MAP4: variants seen among roughly 807,000 people sequenced by gnomAD.
MAP4 encodes the protein microtubule associated protein 4.
In MAP4, 76 loss-of-function variants were observed where a neutral mutation model predicts 170.2. The ratio of observed to expected loss-of-function variants is 0.45; its 90% CI spans 0.37 to 0.54. MAP4 has a LOEUF of 0.54. MAP4 is among the 20% of genes least tolerant of loss of function. The pLI is 0.00. For missense variants in MAP4, 2,506 were observed against 2,748.0 expected (o/e 0.91, Z 1.97); for synonymous variants, 909 against 994.5 (o/e 0.91, Z 1.62).
intron 1 of MAP4, among the ~76,000 whole-genome samples, chr3:48,075,505 C>A (rs1026850144): frequency 1.3e-5 from 2 of 151,816 alleles, no homozygotes; most frequent in Non-Finnish European, 1.5e-5. Context: ...CCAGCCTGGG[C>A]AACGGAGCAA....
chr3:47,971,706 C>T (rs756041439), intron 3 of MAP4, among the ~76,000 whole-genome samples: 35 of 152,180 alleles, frequency 2.3e-4, no homozygotes, highest in Non-Finnish European at 4.0e-4. Context: ...GTTAAACCTT[C>T]ACTGTAATGG....
At chr3:48,037,861 G>A (rs911087365) in intron 1 of MAP4, among the ~76,000 whole-genome samples, 3 of 151,962 alleles carry the variant, frequency 2.0e-5, no homozygotes, top group African/African-American at 7.2e-5. Flanking sequence ...TCTATAAACT[G>A]TGAGCTCAAG....
chr3:47,876,594 T>A (rs979356978), intron 11 of MAP4, among the ~76,000 whole-genome samples: 36 of 152,214 alleles, frequency 2.4e-4, no homozygotes, highest in East Asian at 1.3e-3. Flanking sequence ...GTATTTTTTT[T>A]AATAACTTTT....
chr3:48,042,132 G>A (rs1189817723), intron 1 of MAP4, among the ~76,000 whole-genome samples: 1 of 152,218 alleles, frequency 6.6e-6, no homozygotes, highest in African/African-American at 2.4e-5. Context: ...CCAATTTATA[G>A]CCAGTCAGTC....
chr3:47,986,083 T>C (rs534858998), intron 2 of MAP4, among the ~76,000 whole-genome samples: 21 of 152,284 alleles, frequency 1.4e-4, no homozygotes, highest in African/African-American at 3.8e-4. Flanking sequence ...AAAGGGTACA[T>C]GGTAGGTTCT....
chr3:48,069,947 T>TA (rs1374085862), intron 1 of MAP4, among the ~76,000 whole-genome samples: 2 of 152,120 alleles, frequency 1.3e-5, no homozygotes, highest in East Asian at 3.9e-4. Context: ...TCCCTTTTTT[T>TA]AACCTATTAA....
chr3:47,938,682 C>T (rs1298057960), intron 3 of MAP4, among the ~76,000 whole-genome samples: 1 of 152,192 alleles, frequency 6.6e-6, no homozygotes, highest in African/African-American at 2.4e-5. Context: ...CTATACCAGG[C>T]CCATATTTGA....
At chr3:47,906,748 CA>C (rs1244989059) in intron 9 of MAP4, among the ~76,000 whole-genome samples, 2 of 142,090 alleles carry the variant, frequency 1.4e-5, no homozygotes, top group East Asian at 2.0e-4. Context: ...ATACAGCTAT[CA>C]AAAAAGAATG....
At chr3:47,890,344 TTC>T (rs1472570015) in intron 10 of MAP4, among the ~76,000 whole-genome samples, 5 of 152,184 alleles carry the variant, frequency 3.3e-5, no homozygotes, top group Non-Finnish European at 7.3e-5. Flanking sequence ...TTTCTCTTTC[TTC>T]TTTTTCTCCC....
intron 2 of MAP4, 61 bp from the exon 3 acceptor site, chr3:47,977,994 C>T: frequency 9.4e-7 from 1 of 1,058,442 alleles, no homozygotes; most frequent in Non-Finnish European, 1.5e-6. Flanking sequence ...ACAGATCCAA[C>T]CACTGTCTTA....
intron 3 of MAP4, among the ~76,000 whole-genome samples, chr3:47,929,937 T>C (rs2100048493): frequency 6.6e-6 from 1 of 151,468 alleles, no homozygotes. Flanking sequence ...AAGACCAGCC[T>C]GGCCAACTGG....
intron 1 of MAP4, among the ~76,000 whole-genome samples, chr3:48,064,102 C>A (rs1265194421): frequency 6.6e-6 from 1 of 152,150 alleles, no homozygotes; most frequent in Non-Finnish European, 1.5e-5. Flanking sequence ...AACAAACCCC[C>A]TTCCTGGCTG....
chr3:48,025,712 G>A (rs1013586180), intron 1 of MAP4, among the ~76,000 whole-genome samples: 5 of 151,430 alleles, frequency 3.3e-5, no homozygotes, highest in Admixed American at 1.3e-4. Context: ...CAGCCTGGCC[G>A]ACGTGGTAAA....
At chr3:47,892,361 G>A (rs1227273971) in intron 10 of MAP4, 1 of 1,536,132 alleles carries the variant, frequency 6.5e-7, no homozygotes, top group Non-Finnish European at 8.7e-7. Context: ...TTTGCCCTCT[G>A]TCCTCTGCCA....
At chr3:48,080,545 G>C (rs562603618) in intron 1 of MAP4, among the ~76,000 whole-genome samples, 174 of 152,266 alleles carry the variant, frequency 1.1e-3, no homozygotes, top group Non-Finnish European at 2.1e-3. Flanking sequence ...TATAGCACTG[G>C]GAGTGAGAAT....
intron 9 of MAP4, among the ~76,000 whole-genome samples, chr3:47,905,153 G>A (rs1559989384): frequency 6.6e-6 from 1 of 152,110 alleles, no homozygotes; most frequent in Non-Finnish European, 1.5e-5. Flanking sequence ...CAAAACATGT[G>A]AACACATTAT....
intron 3 of MAP4, among the ~76,000 whole-genome samples, chr3:47,967,290 G>A (rs1404007284): frequency 1.3e-5 from 2 of 152,004 alleles, no homozygotes; most frequent in South Asian, 4.2e-4. Context: ...AGCCATGAAC[G>A]GGTCACTGCA....
At chr3:47,998,209 T>C (rs539688302) in intron 2 of MAP4, among the ~76,000 whole-genome samples, 1 of 152,218 alleles carries the variant, frequency 6.6e-6, no homozygotes, top group African/African-American at 2.4e-5. Flanking sequence ...TCCAGGAAAA[T>C]GGCAAATTTC....
chr3:48,022,354 C>T (rs371151207), intron 1 of MAP4, among the ~76,000 whole-genome samples: 71 of 152,100 alleles, frequency 4.7e-4, no homozygotes, highest in African/African-American at 1.7e-3. Context: ...ATCATTTGAG[C>T]CCAGGAATTT....
Sources: allele counts gnomAD v4.1 joint callset (sites outside exome capture counted in the v4.1 genomes callset), GRCh38; gene constraint gnomAD v4.1.1; transcripts MANE v1.5; gene names NCBI Gene and HGNC (gene_info 2026-07-23, HGNC 2026-07-21).